TYR: variants seen among roughly 807,000 people sequenced by gnomAD.
TYR encodes the protein tyrosinase.
TYR carries 58 observed loss-of-function variants against 51.5 expected under a neutral mutation model. The observed-to-expected ratio is 1.13, with a 90% confidence interval of 0.91 to 1.40. The LOEUF (loss-of-function observed/expected upper bound fraction) is 1.40. TYR is among the 40% of genes most tolerant of loss of function. The probability of loss-of-function intolerance (pLI) is 0.00; values close to 1 mark genes in which losing one functional copy is unlikely to be tolerated. For missense variants in TYR, 732 were observed against 647.4 expected, an observed-to-expected ratio of 1.13 and a Z score of -1.42; for synonymous variants, 263 against 235.2, an observed-to-expected ratio of 1.12 and a Z score of -1.08.
chr11:89,249,098 T>C (rs535790486), intron 3 of TYR, among the ~76,000 whole-genome samples: 1 of 152,054 alleles, frequency 6.6e-6, no homozygotes, highest in African/African-American at 2.4e-5. Context: ...CTTTTTAGGA[T>C]AGGGCAAATA....
intron 2 of TYR, among the ~76,000 whole-genome samples, chr11:89,205,231 C>T (rs878933181): frequency 6.6e-6 from 1 of 151,820 alleles, no homozygotes; most frequent in Admixed American, 6.6e-5. Flanking sequence ...AGAAAACACA[C>T]TGGAAAAAAA....
Position 89,233,911 on chromosome 11 carries a change from A to T in TYR, c.1184+5941A>T, listed in dbSNP as rs1358483194. 2.1e-5 allele frequency among the ~76,000 whole-genome samples: 3 copies of T among 143,258 alleles called. 1 individual carries two copies. Among genetic ancestry groups the T allele is most frequent in the Non-Finnish European group, 4.5e-5 (3 of 66,564 alleles). 94.0% of individuals were successfully genotyped at this position (143,258 alleles called of 152,430 possible). The stretch of plus-strand genomic sequence containing the variant: ...AGTAAATGAGCACTGGCTTCTACTT[A>T]AAGTTACCAGCTGCATTAGCCCCTA... On this transcript the variant is annotated intron_variant, in intron 3 of 4. Transcript: ENST00000263321.
chr11:89,178,093 G>T lies in TYR; in HGVS notation c.140G>T (p.Gly47Val), dbSNP rs61753180. Residue 47 changes from glycine to valine, a missense_variant, in exon 1 of 5, where the codon GGC (glycine) becomes GTC (valine). Transcript: ENST00000263321. Reference sequence around the variant, plus strand: ...TGGAGCGGGGACAGGAGTCCCTGTGGCCAGCTTTCAGGCAGAGGTTCCTGT... The same window carrying T: ...TGGAGCGGGGACAGGAGTCCCTGTGTCCAGCTTTCAGGCAGAGGTTCCTGT... ...PPWSGDRSPC[G>V]QLSGRGSCQN... 6.2e-7 allele frequency: 1 copy of T among 1,614,182 alleles called. No homozygotes were observed. Among genetic ancestry groups the T allele is most frequent in the Non-Finnish European group, 8.5e-7 (1 of 1,180,020 alleles).
chr11:89,201,676 T>C (rs1174813310), intron 2 of TYR, among the ~76,000 whole-genome samples: 1 of 152,186 alleles, frequency 6.6e-6, no homozygotes, highest in Non-Finnish European at 1.5e-5. Context: ...ACCATTGCTT[T>C]TGCACCATCA....
At chr11:89,188,877 G>A (rs1230100748) in intron 1 of TYR, among the ~76,000 whole-genome samples, 2 of 151,718 alleles carry the variant, frequency 1.3e-5, no homozygotes, top group Non-Finnish European at 2.9e-5. Flanking sequence ...GAGAGGGAAA[G>A]GGAAAGATCA....
intron 3 of TYR, among the ~76,000 whole-genome samples, chr11:89,238,749 T>G: frequency 6.6e-6 from 1 of 152,152 alleles, no homozygotes; most frequent in East Asian, 1.9e-4. Context: ...CTTTATTGTA[T>G]TGAGGTACGT....
chr11:89,187,645 G>A (rs948237047), intron 1 of TYR, among the ~76,000 whole-genome samples: 3 of 151,958 alleles, frequency 2.0e-5, no homozygotes, highest in African/African-American at 4.8e-5. Context: ...AACTCCCCCC[G>A]TTTTATAAAC....
intron 3 of TYR, among the ~76,000 whole-genome samples, chr11:89,262,665 A>G (rs567524931): frequency 2.0e-5 from 3 of 148,242 alleles, no homozygotes; most frequent in East Asian, 2.0e-4. Flanking sequence ...AGGGGACATT[A>G]CTATTGTCTT....
chr11:89,272,111 T>G (rs1465281145), intron 3 of TYR, among the ~76,000 whole-genome samples: 1 of 151,904 alleles, frequency 6.6e-6, no homozygotes, highest in Non-Finnish European at 1.5e-5. Flanking sequence ...CCACCTCCCA[T>G]GAAAATTAAT....
At chr11:89,218,641 TAAC>T (rs774777894) in intron 2 of TYR, among the ~76,000 whole-genome samples, 55 of 152,218 alleles carry the variant, frequency 3.6e-4, no homozygotes, top group Non-Finnish European at 6.3e-4. Flanking sequence ...CTGTAATTAA[TAAC>T]AACAGTTAAC....
chr11:89,250,475 C>T (rs1208639947), intron 3 of TYR, among the ~76,000 whole-genome samples: 3 of 151,822 alleles, frequency 2.0e-5, no homozygotes, highest in African/African-American at 7.3e-5. Flanking sequence ...ATATCAAAAA[C>T]ATTATTTATA....
intron 2 of TYR, among the ~76,000 whole-genome samples, chr11:89,202,734 C>G (rs979967963): frequency 6.6e-6 from 1 of 151,800 alleles, no homozygotes; most frequent in African/African-American, 2.4e-5. Context: ...CAGCTCTGCT[C>G]TATAGCTGGT....
At chr11:89,273,437 C>T (rs1349317900) in intron 3 of TYR, among the ~76,000 whole-genome samples, 1 of 151,784 alleles carries the variant, frequency 6.6e-6, no homozygotes, top group Non-Finnish European at 1.5e-5. Context: ...AAAACTTCAC[C>T]ATCTTATATG....
At chr11:89,188,591 C>T (rs552591221) in intron 1 of TYR, among the ~76,000 whole-genome samples, 114 of 152,156 alleles carry the variant, frequency 7.5e-4, no homozygotes, top group African/African-American at 2.5e-3. Flanking sequence ...TGATGGGATA[C>T]TGCTGAACAT....
intron 2 of TYR, among the ~76,000 whole-genome samples, chr11:89,216,816 T>C (rs1216029009): frequency 6.6e-6 from 1 of 152,146 alleles, no homozygotes; most frequent in African/African-American, 2.4e-5. Flanking sequence ...CATCCTGTTT[T>C]CACCCTAATC....
chr11:89,253,596 G>A (rs1695650714), intron 3 of TYR, among the ~76,000 whole-genome samples: 1 of 151,728 alleles, frequency 6.6e-6, no homozygotes, highest in Non-Finnish European at 1.5e-5. Flanking sequence ...TATTTTAAAA[G>A]GGGCTGAATT....
chr11:89,187,007 A>C, intron 1 of TYR, among the ~76,000 whole-genome samples: 1 of 152,152 alleles, frequency 6.6e-6, no homozygotes, highest in East Asian at 1.9e-4. Flanking sequence ...ATGAACTTTG[A>C]GAAAATAAAT....
chr11:89,293,571 TAACAAGTGGTATTGATGAAAAAAA>T (rs1288049865), intron 4 of TYR, among the ~76,000 whole-genome samples: 1 of 151,944 alleles, frequency 6.6e-6, no homozygotes, highest in Non-Finnish European at 1.5e-5. Flanking sequence ...TTGTTCAAAG[TAACAAGTGGTATTGATGAAAAAAA>T]AACACACACA....
In TYR at chr11:89,246,088, G is replaced by C. The variant is rs1011026801; in HGVS notation, c.1184+18118G>C. On this transcript the variant is annotated intron_variant, in intron 3 of 4. Coordinates refer to ENST00000263321, the MANE Select transcript of TYR (RefSeq NM_000372.5). ...TCCGATGTGGCTGGGGCTCATAGGA[G>C]TCAACCTGACTGGACAGGCACTAGC... Among the ~76,000 whole-genome samples the C allele has an allele frequency of 2.0e-5, 3 of 152,244 alleles. No individual in the cohort carries two copies. In the East Asian group the frequency reaches 5.8e-4, roughly 29 times the overall value.
Sources: gnomAD v4.1 joint callset for allele counts (sites outside exome capture counted in the v4.1 genomes callset) on GRCh38, gnomAD v4.1.1 for gene constraint, MANE v1.5 for transcripts, NCBI Gene and HGNC (gene_info 2026-07-23, HGNC 2026-07-21) for gene names.